Variants in IGF2R observed in about 807,000 individuals in gnomAD.
IGF2R encodes insulin like growth factor 2 receptor, also known as cation-independent mannose-6-phosphate receptor.
In IGF2R, 91 loss-of-function variants were observed where a neutral mutation model predicts 270.6. The ratio of observed to expected loss-of-function variants is 0.34; its 90% CI spans 0.28 to 0.40. The LOEUF (loss-of-function observed/expected upper bound fraction) is 0.40. IGF2R is among the 10% of genes least tolerant of loss of function. The pLI is 1.00. For missense variants in IGF2R, 2,805 were observed against 3,188.3 expected (o/e 0.88, Z 2.90); for synonymous variants, 1,316 against 1,258.9 (o/e 1.05, Z -0.96).
chr6:160,031,031 A>G (rs1427532863), intron 7 of IGF2R, among the ~76,000 whole-genome samples: 1 of 152,086 alleles, frequency 6.6e-6, no homozygotes, highest in Non-Finnish European at 1.5e-5. Context: ...TAGTAGAGAC[A>G]GGGCTTTGCT....
chr6:160,062,439 T>G, intron 25 of IGF2R, 93 bp from the exon 26 acceptor site: 18 of 914,190 alleles, frequency 2.0e-5, no homozygotes, highest in Non-Finnish European at 3.1e-5. Context: ...CCCAAAGTGC[T>G]GAGATTACAG....
chr6:160,091,503 G>T (rs560035550), intron 44 of IGF2R, among the ~76,000 whole-genome samples: 34 of 152,338 alleles, frequency 2.2e-4, no homozygotes, highest in Admixed American at 1.7e-3. Flanking sequence ...CAGCGCCCTG[G>T]TGCATCTGCT....
intron 41 of IGF2R, among the ~76,000 whole-genome samples, chr6:160,085,705 A>G (rs1779084318): frequency 6.6e-6 from 1 of 152,250 alleles, no homozygotes; most frequent in Admixed American, 6.5e-5. Flanking sequence ...TTTGCCTCTT[A>G]GGCTGGAGTG....
At chr6:160,056,986 G>C (rs1336763713) in intron 20 of IGF2R, among the ~76,000 whole-genome samples, 1 of 152,188 alleles carries the variant, frequency 6.6e-6, no homozygotes, top group Non-Finnish European at 1.5e-5. Context: ...GGTAAGGCCT[G>C]TGTGTCTCTC....
rs1562353107 is a variant in IGF2R, at chr6:160,040,408, A to G, written c.1316-152A>G. ...TGAAGCTTAATAGAAGCCTGTGTCA[A>G]CTCAGATCCCCATGGTCTCTAAAAA... On this transcript the variant is annotated intron_variant, in intron 10 of 47. Transcript: ENST00000356956. 1.3e-5 allele frequency: 8 copies of G among 620,612 alleles called. No homozygotes were observed. The East Asian group carries it at 2.2e-4, about 17-fold the overall frequency. The allele number at this position is 620,612 out of a possible 1,614,324, so 38.4% of individuals were successfully genotyped here.
rs1005114630 is a variant in IGF2R, at chr6:160,103,871, G to A, written c.7065+56G>A. 1.8e-5 allele frequency: 21 copies of A among 1,192,830 alleles called. No individual in the cohort carries two copies. In the East Asian group the frequency reaches 2.8e-4, roughly 16 times the overall value. The allele number at this position is 1,192,830 out of a possible 1,614,324, so 73.9% of individuals were successfully genotyped here. ...CTGCCTCCCCGGCCCCCTGTGCTGC[G>A]CTGTCCATGTCGTTCTCATCAGGGG... On this transcript the variant is annotated intron_variant, in intron 47 of 47. Coordinates refer to ENST00000356956, the MANE Select transcript of IGF2R (RefSeq NM_000876.4).
chr6:160,057,538 C>T (rs1778341406), intron 20 of IGF2R, among the ~76,000 whole-genome samples: 1 of 152,174 alleles, frequency 6.6e-6, no homozygotes. Context: ...TGGCCACCGT[C>T]TCCTTCCCTG....
rs771898423 is a variant in IGF2R, at chr6:160,085,000, A to C, written c.6074A>C (p.Tyr2025Ser). Residue 2025 changes from tyrosine (Y) to serine (S), a missense_variant, in exon 41 of 48, where the codon TAT becomes TCT. Around this residue, in one of 2 missense-constraint regions of IGF2R, gnomAD observed 1,851 missense variants for 2,207.2 expected, o/e 0.84. Coordinates refer to ENST00000356956, the MANE Select transcript of IGF2R (RefSeq NM_000876.4). This position sits in a 1 kb window ranked among gnomAD's most constrained non-coding sequence, Gnocchi z 4.6. ...WSLVHNGVSY[Y>S]INLCQKIYKG... is the part of the protein sequence containing the mutation. ...CCCTTTGTGTCGTTTTCTAGGTACT[A>C]TATAAATCTGTGCCAGAAAATATAT... is the stretch of plus-strand genomic sequence containing the variant. The C allele has an allele frequency of 6.2e-7, 1 of 1,614,062 alleles. No homozygotes were observed. Among genetic ancestry groups the C allele is most frequent in the Non-Finnish European group, 8.5e-7 (1 of 1,179,960 alleles).
In IGF2R at chr6:160,078,214, T is replaced by C; in HGVS notation, c.5330T>C (p.Leu1777Pro). ...KRGVSMGTPK[L>P]LRTSECDFVF... The stretch of plus-strand genomic sequence containing the variant: ...TCCTGGCAACAGGGAACGCCTAAGC[T>C]GTTAAGGACCAGCGAGTGCGACTTT... The change falls in exon 37 of 48, where the codon CTG (leucine) becomes CCG (proline). Residue 1777 changes from leucine (L) to proline (P), a missense_variant. By Grantham distance (98) the Leu-to-Pro change is moderately conservative. Around this residue, in one of 2 missense-constraint regions of IGF2R, gnomAD observed 1,851 missense variants for 2,207.2 expected, o/e 0.84. Coordinates refer to ENST00000356956, the MANE Select transcript of IGF2R (RefSeq NM_000876.4). 1 of 1,614,164 alleles carries C rather than the reference T, an allele frequency of 6.2e-7. No individual in the cohort carries two copies. The highest frequency in any genetic ancestry group is 8.5e-7 in the Non-Finnish European group (1 of 1,180,010).
At position 160,024,581 on chromosome 6, in the gene IGF2R, T is replaced by A. The variant is rs1339710401; in HGVS notation, c.523T>A (p.Tyr175Asn). The A allele has an allele frequency of 6.2e-7, 1 of 1,614,018 alleles. No individual in the cohort carries two copies. The highest frequency in any genetic ancestry group is 8.5e-7 in the Non-Finnish European group (1 of 1,180,014). Residue 175 changes from tyrosine to asparagine, a missense_variant, in exon 5 of 48, where the codon TAT becomes AAT. Coordinates refer to ENST00000356956, the MANE Select transcript of IGF2R (RefSeq NM_000876.4). ...IFKANKEVPC[Y>N]VFDEELRKHD... ...TCTTCCTCCCTTCCAGGTGCCATGCTATGTGTTTGATGAAGAGTTGAGGAA... is the reference window on the plus strand; with the variant it reads ...TCTTCCTCCCTTCCAGGTGCCATGCAATGTGTTTGATGAAGAGTTGAGGAA...
chr6:160,057,150 C>T (rs1778333597), intron 20 of IGF2R, among the ~76,000 whole-genome samples: 1 of 152,148 alleles, frequency 6.6e-6, no homozygotes, highest in Admixed American at 6.5e-5. Flanking sequence ...TCACCGTGGC[C>T]CTGTGCATAG....
intron 30 of IGF2R, 91 bp downstream of exon 30, chr6:160,068,476 TTG>T (rs1778641417): frequency 1.3e-6 from 2 of 1,542,892 alleles, no homozygotes; most frequent in African/African-American, 2.8e-5. Flanking sequence ...GGGGTGGTGG[TTG>T]TAGTGAGTGT....
At chr6:160,033,635 T>C (rs1335078157) in intron 9 of IGF2R, among the ~76,000 whole-genome samples, 1 of 152,272 alleles carries the variant, frequency 6.6e-6, no homozygotes, top group Non-Finnish European at 1.5e-5. Flanking sequence ...CTGTTAGAAC[T>C]GTTCACTTTA....
intron 9 of IGF2R, 97 bp from the exon 10 acceptor site, chr6:160,034,322 A>G: frequency 1.4e-6 from 1 of 717,124 alleles, no homozygotes. Context: ...TGATTTGTTG[A>G]TGCTACGCAA....
At chr6:160,064,284 A>C in intron 27 of IGF2R, 117 bp from the exon 28 acceptor site, 4 of 1,135,510 alleles carry the variant, frequency 3.5e-6, no homozygotes, top group Non-Finnish European at 4.0e-6. Context: ...TGGTGCTGGG[A>C]GGCCAGGGAT....
intron 3 of IGF2R, chr6:160,010,451 A>G: frequency 2.5e-6 from 1 of 407,258 alleles, no homozygotes; most frequent in Non-Finnish European, 4.4e-6. Context: ...CTGGGGCGGT[A>G]GAATTCCTTT....
At chr6:160,046,835 G>A (rs547592945) in intron 15 of IGF2R, among the ~76,000 whole-genome samples, 190 bp downstream of exon 15, 16 of 152,328 alleles carry the variant, frequency 1.1e-4, no homozygotes, top group South Asian at 2.1e-4. Context: ...GCCCATCCTT[G>A]GGAAAGAAGG....
chr6:160,101,078 C>A (rs1324892301), intron 45 of IGF2R, among the ~76,000 whole-genome samples: 1 of 151,022 alleles, frequency 6.6e-6, no homozygotes, highest in Non-Finnish European at 1.5e-5. Context: ...AGGCATGAGC[C>A]ACTGTGCTCG....
intron 31 of IGF2R, 142 bp from the exon 32 acceptor site, chr6:160,071,768 C>A: frequency 9.2e-7 from 1 of 1,089,860 alleles, no homozygotes; most frequent in Non-Finnish European, 1.4e-6. Flanking sequence ...TCCTAATCTG[C>A]GCCTCATCCC....
Sources: allele counts gnomAD v4.1 joint callset (sites outside exome capture counted in the v4.1 genomes callset), GRCh38; gene constraint gnomAD v4.1.1; regional missense constraint gnomAD v4.1.1; non-coding constraint Gnocchi (gnomAD v3.1); transcripts MANE v1.5; gene names NCBI Gene and HGNC (gene_info 2026-07-23, HGNC 2026-07-21).